The following LTBP1 variants were observed in gnomAD, a reference collection of about 807,000 sequenced individuals.
LTBP1 encodes latent transforming growth factor beta binding protein 1, also known as latent-transforming growth factor beta-binding protein 1.
LTBP1 carries 129 observed loss-of-function variants against 207.6 expected under a neutral mutation model. The ratio of observed to expected loss-of-function variants is 0.62; its 90% CI spans 0.54 to 0.72. The LOEUF (loss-of-function observed/expected upper bound fraction) is 0.72, where lower values mean the gene tolerates loss of function less well. Ranked by LOEUF, LTBP1 falls within the 30% of genes least tolerant of loss-of-function variation. The probability of loss-of-function intolerance (pLI) is 0.00; values close to 1 mark genes in which losing one functional copy is unlikely to be tolerated. For synonymous variants in LTBP1, 963 were observed against 833.7 expected (o/e 1.16, Z -2.67); for missense variants, 2,281 against 2,217.2 (o/e 1.03, Z -0.58).
intron 11 of LTBP1, among the ~76,000 whole-genome samples, chr2:33,255,582 C>G (rs1245991754): frequency 1.3e-5 from 2 of 152,304 alleles, no homozygotes; most frequent in East Asian, 3.9e-4. Context: ...GGAACCAACC[C>G]AAATGTCCAA....
At chr2:32,975,465 C>CTTAAATATATT (rs1553352427) in intron 2 of LTBP1, among the ~76,000 whole-genome samples, 1 of 151,512 alleles carries the variant, frequency 6.6e-6, no homozygotes, top group Admixed American at 6.6e-5. Context: ...GAATGATATC[C>CTTAAATATATT]TTAAATATAT....
chr2:32,981,185 A>G (rs1194886971), intron 2 of LTBP1, among the ~76,000 whole-genome samples: 1 of 151,730 alleles, frequency 6.6e-6, no homozygotes, highest in African/African-American at 2.4e-5. Context: ...CTCTCTCTCT[A>G]CCTCCTCTTT....
At chr2:32,952,725 A>G (rs1276066274) in intron 2 of LTBP1, among the ~76,000 whole-genome samples, 1 of 152,122 alleles carries the variant, frequency 6.6e-6, no homozygotes, top group East Asian at 1.9e-4. Context: ...GTCTCAGGGT[A>G]AGTGCAGGCC....
intron 7 of LTBP1, among the ~76,000 whole-genome samples, chr2:33,199,654 G>A (rs1385649715): frequency 2.0e-5 from 3 of 152,130 alleles, no homozygotes; most frequent in Admixed American, 1.3e-4. Context: ...GAAATAAAGG[G>A]TATTCAGTTA....
At chr2:33,100,471 CCTGA>C (rs1445371457) in intron 3 of LTBP1, among the ~76,000 whole-genome samples, 2 of 151,524 alleles carry the variant, frequency 1.3e-5, no homozygotes, top group African/African-American at 4.9e-5. Flanking sequence ...CACTGTGGTA[CCTGA>C]CTTTTTTTTT....
intron 5 of LTBP1, among the ~76,000 whole-genome samples, chr2:33,139,756 T>A (rs185570212): frequency 6.6e-6 from 1 of 152,068 alleles, no homozygotes; most frequent in Admixed American, 6.5e-5. Flanking sequence ...GAAAGAAGAA[T>A]TTACCCCCCT....
chr2:32,965,831 G>C (rs538681784), intron 2 of LTBP1, among the ~76,000 whole-genome samples: 150 of 152,280 alleles, frequency 9.9e-4, no homozygotes, highest in Non-Finnish European at 1.5e-3. Flanking sequence ...CAACACTTTT[G>C]TGTAAATACC....
chr2:33,111,503 G>T (rs2080399864), intron 4 of LTBP1, among the ~76,000 whole-genome samples: 3 of 152,188 alleles, frequency 2.0e-5, no homozygotes, highest in Admixed American at 2.0e-4. Context: ...GAAAGAGAAT[G>T]CCAGTTGTGA....
chr2:33,347,301 C>A, intron 25 of LTBP1, 66 bp from the exon 26 acceptor site: 2 of 1,590,836 alleles, frequency 1.3e-6, no homozygotes, highest in Non-Finnish European at 8.6e-7. Context: ...CCTGGCACAG[C>A]TGGTAAAATA....
At position 33,028,316 on chromosome 2, in the gene LTBP1, A is replaced by G. The variant is rs193145046; in HGVS notation, c.863+7110A>G. Among the ~76,000 whole-genome samples, 120 of 152,360 alleles carry G rather than the reference A, an allele frequency of 7.9e-4. 1 individual carries two copies. The highest frequency in any genetic ancestry group is 2.5e-3 in the African/African-American group (105 of 41,580). On this transcript the variant is annotated intron_variant, in intron 3 of 33. Transcript: ENST00000404816. Reference sequence around the variant, plus strand: ...ATAATAATAGTTAATATGACCAATTATTCTGTGCCAGACACAATTCTGAGT... The same window carrying G: ...ATAATAATAGTTAATATGACCAATTGTTCTGTGCCAGACACAATTCTGAGT...
chr2:33,365,527 T>C lies in LTBP1; in HGVS notation c.4711+24T>C, dbSNP rs748555415. 2.5e-6 allele frequency: 4 copies of C among 1,604,322 alleles called. No homozygotes were observed. In the Admixed American group the frequency reaches 6.8e-5, roughly 27 times the overall value. ...AGGTGAGCCCATATCCAATTCCTTC[T>C]GCAGGAGGCCTTTGGGGACAAGTTC... On this transcript the variant is annotated intron_variant, in intron 31 of 33. Coordinates refer to ENST00000404816, the MANE Select transcript of LTBP1 (RefSeq NM_206943.4).
chr2:33,327,808 CT>C (rs961791475), intron 24 of LTBP1, among the ~76,000 whole-genome samples: 1 of 150,848 alleles, frequency 6.6e-6, no homozygotes, highest in East Asian at 1.9e-4. Flanking sequence ...TGGATTATCT[CT>C]TTTTTTTTCA....
At chr2:33,294,154 C>G (rs942085045) in intron 20 of LTBP1, among the ~76,000 whole-genome samples, 1 of 150,798 alleles carries the variant, frequency 6.6e-6, no homozygotes, top group African/African-American at 2.4e-5. Flanking sequence ...TACAGGCACA[C>G]GCCACCACGC....
rs538628228 is a variant in LTBP1, at chr2:33,374,657, C to T, written c.4711+9154C>T. ...CCAGTAAGCCAGTTATGTTGTTCCT[C>T]ATTGAAAGGACTCTTGGCCCGGCAC... On this transcript the variant is annotated intron_variant, in intron 31 of 33. Coordinates refer to ENST00000404816, the MANE Select transcript of LTBP1 (RefSeq NM_206943.4). 2.6e-5 allele frequency among the ~76,000 whole-genome samples: 4 copies of T among 152,254 alleles called. No homozygotes were observed. In the South Asian group the frequency reaches 8.3e-4, roughly 32 times the overall value.
chr2:33,090,653 G>A (rs1398893106), intron 3 of LTBP1, among the ~76,000 whole-genome samples: 1 of 152,132 alleles, frequency 6.6e-6, no homozygotes. Context: ...GGGGTAGGGA[G>A]GCTAGAATAG....
intron 7 of LTBP1, among the ~76,000 whole-genome samples, chr2:33,207,518 A>G (rs2089973583): frequency 6.6e-6 from 1 of 152,176 alleles, no homozygotes; most frequent in African/African-American, 2.4e-5. Context: ...AAAAAGAAAG[A>G]AAAAAACCTT....
chr2:33,322,934 C>T (rs1268199181), intron 24 of LTBP1, among the ~76,000 whole-genome samples: 1 of 152,060 alleles, frequency 6.6e-6, no homozygotes, highest in African/African-American at 2.4e-5. Context: ...TACTTCTTTA[C>T]CTTGTTTATT....
chr2:33,255,005 C>T (rs1167934158), intron 11 of LTBP1, among the ~76,000 whole-genome samples: 1 of 144,508 alleles, frequency 6.9e-6, no homozygotes, highest in East Asian at 2.0e-4. Context: ...TATACATGTG[C>T]CATGCTGGTG....
rs377345873 is a variant in LTBP1, at chr2:33,389,223, G to A, written c.4751G>A (p.Arg1584His). The stretch of plus-strand genomic sequence containing the variant: ...CTGTGTAACATCCCCGTGACGGGAC[G>A]CCGGCAGCCATATGGACGGGACGCC... ...AQLCNIPVTGRRQPYGRDALV... is the reference protein window; with the variant it reads ...AQLCNIPVTGHRQPYGRDALV... The change falls in exon 32 of 34, where the codon CGC (arginine) becomes CAC (histidine). Residue 1584 changes from arginine to histidine, a missense_variant. Transcript: ENST00000404816. The A allele has an allele frequency of 2.6e-5, 42 of 1,614,122 alleles. No individual in the cohort carries two copies. The highest frequency in any genetic ancestry group is 1.8e-4 in the East Asian group (8 of 44,872).
Sources: gnomAD v4.1 joint callset for allele counts (sites outside exome capture counted in the v4.1 genomes callset) on GRCh38, gnomAD v4.1.1 for gene constraint, MANE v1.5 for transcripts, NCBI Gene and HGNC (gene_info 2026-07-23, HGNC 2026-07-21) for gene names.